PRKAR1B: variants seen among roughly 807,000 people sequenced by gnomAD.
The protein encoded by PRKAR1B is cAMP-dependent protein kinase type I-beta regulatory subunit.
In PRKAR1B, 22 loss-of-function variants were observed where a neutral mutation model predicts 46.5. The ratio of observed to expected loss-of-function variants is 0.47; its 90% confidence interval spans 0.34 to 0.68. The LOEUF (loss-of-function observed/expected upper bound fraction) is 0.68. Ranked by LOEUF, PRKAR1B falls within the 30% of genes least tolerant of loss-of-function variation. The probability of loss-of-function intolerance (pLI) is 0.01; values close to 1 mark genes in which losing one functional copy is unlikely to be tolerated. For missense variants in PRKAR1B, 445 were observed against 535.6 expected (o/e 0.83, Z 1.67); for synonymous variants, 259 against 217.7 (o/e 1.19, Z -1.67).
intron 1 of PRKAR1B, among the ~76,000 whole-genome samples, chr7:718,330 G>GTATATATATATA (rs146416897): frequency 7.3e-6 from 1 of 137,916 alleles, no homozygotes; most frequent in East Asian, 2.1e-4. Context: ...ATGTATGTAT[G>GTATATATATATA]TATATATATA....
In PRKAR1B at chr7:550,213, C is replaced by G. The variant is rs559508470; in HGVS notation, c.*217G>C. The stretch of plus-strand genomic sequence containing the variant: ...GAAGCTGGCCTGTCCCTTCCTTGAT[C>G]TTGGGATGCATTTTGTCCGCTTGTC... On this transcript the variant is annotated 3_prime_UTR_variant, in exon 11 of 11. Coordinates refer to ENST00000537384, the MANE Select transcript of PRKAR1B (RefSeq NM_001164760.2). The G allele has an allele frequency of 1.2e-4, 69 of 569,386 alleles. No individual in the cohort carries two copies. The Middle Eastern group carries it at 1.4e-3, about 12-fold the overall frequency. 35.3% of individuals were successfully genotyped at this position (569,386 alleles called of 1,614,324 possible). A position where few individuals can be genotyped will look rare whatever the true frequency, so the allele number is the denominator to read the frequency against.
At chr7:680,528 C>G in intron 3 of PRKAR1B, 28 bp downstream of exon 3, 1 of 1,587,506 alleles carries the variant, frequency 6.3e-7, no homozygotes, top group Non-Finnish European at 8.5e-7. Context: ...GGCCTGGGGA[C>G]AGGAACCCCG....
intron 6 of PRKAR1B, among the ~76,000 whole-genome samples, chr7:597,378 G>A (rs907649845): frequency 3.3e-5 from 5 of 152,166 alleles, no homozygotes; most frequent in Admixed American, 6.5e-5. Flanking sequence ...ACGAACTTTC[G>A]GAGGCACAGG....
intron 4 of PRKAR1B, among the ~76,000 whole-genome samples, chr7:651,909 G>A (rs1421020746): frequency 4.6e-5 from 4 of 86,736 alleles, no homozygotes; most frequent in Non-Finnish European, 2.2e-5. Context: ...GGAACCTGGG[G>A]AAACCCCTCT....
At position 711,402 on chromosome 7, in the gene PRKAR1B, A is replaced by G. The variant is rs1448693349; in HGVS notation, c.104T>C (p.Ile35Thr). ...HGIQQVLKDC[I>T]VHLCISKPER... is the part of the protein sequence containing the mutation. ...GGGCTTGGAGATGCAGAGGTGGACG[A>G]TACAGTCTTTGAGGACCTGCTGGAT... Residue 35 changes from isoleucine to threonine, a missense_variant, in exon 2 of 11, where the codon ATC becomes ACC. Ile to Thr is a moderately conservative substitution (Grantham distance 89). Around this residue, in one of 5 missense-constraint regions of PRKAR1B, gnomAD observed 155 missense variants for 127.5 expected, o/e 1.22. Transcript: ENST00000537384. The G allele has an allele frequency of 3.1e-6, 5 of 1,614,206 alleles. No homozygotes were observed. Among genetic ancestry groups the G allele is most frequent in the Non-Finnish European group, 4.2e-6 (5 of 1,180,026 alleles).
intron 6 of PRKAR1B, among the ~76,000 whole-genome samples, chr7:605,230 G>A (rs1276004173): frequency 6.6e-6 from 1 of 152,238 alleles, no homozygotes; most frequent in Admixed American, 6.5e-5. Context: ...ATGTCACTGA[G>A]GTCCTTCCCG....
In PRKAR1B at chr7:698,796, CTGTGTGTGCA is replaced by C. The variant is rs577040875; in HGVS notation, c.177+12523_177+12532del. 1.2e-4 allele frequency among the ~76,000 whole-genome samples: 18 copies of C among 151,804 alleles called. No individual in the cohort carries two copies. In the East Asian group the frequency reaches 2.3e-3, roughly 20 times the overall value. ...CTCGGTGGCAACAGTACATCCTTGC[CTGTGTGTGCA>C]TGTGTGTGCATCTGGGCGAGTGTGT... On this transcript the variant is annotated intron_variant, in intron 2 of 10. Coordinates refer to ENST00000537384, the MANE Select transcript of PRKAR1B (RefSeq NM_001164760.2).
chr7:633,015 T>C (rs1783852946), intron 4 of PRKAR1B, among the ~76,000 whole-genome samples: 1 of 152,232 alleles, frequency 6.6e-6, no homozygotes, highest in Non-Finnish European at 1.5e-5. Context: ...GCGCGGGTCG[T>C]AGTGAGATCA....
intron 2 of PRKAR1B, among the ~76,000 whole-genome samples, chr7:682,538 G>A (rs1778748679): frequency 1.3e-5 from 2 of 152,188 alleles, no homozygotes; most frequent in South Asian, 4.2e-4. Context: ...GAGGTCAGGA[G>A]ATCGAGACCA....
chr7:598,685 C>T (rs1227314176), intron 6 of PRKAR1B, among the ~76,000 whole-genome samples: 1 of 152,208 alleles, frequency 6.6e-6, no homozygotes, highest in Non-Finnish European at 1.5e-5. Flanking sequence ...ACTTCTGTTC[C>T]GATGCAGGGG....
At chr7:694,215 G>C (rs1410089546) in intron 2 of PRKAR1B, among the ~76,000 whole-genome samples, 1 of 152,128 alleles carries the variant, frequency 6.6e-6, no homozygotes, top group East Asian at 1.9e-4. Flanking sequence ...AACCCGGGAG[G>C]CACAGCTTGC....
chr7:593,688 G>A lies in PRKAR1B; in HGVS notation c.708+2458C>T, dbSNP rs564433120. 6.6e-5 allele frequency among the ~76,000 whole-genome samples: 10 copies of A among 152,268 alleles called. No homozygotes were observed. The highest frequency in any genetic ancestry group is 6.2e-4 in the South Asian group (3 of 4,822). ...GTGTCTCAGGGGACCCCTCCCACGC[G>A]GCGACAGAGGCCTCCCAGTGAAGGC... On this transcript the variant is annotated intron_variant, in intron 7 of 10. Transcript: ENST00000537384. This position sits in a 1 kb window ranked among gnomAD's most constrained non-coding sequence, Gnocchi z 6.1.
At chr7:646,021 A>G (rs1261115889) in intron 4 of PRKAR1B, among the ~76,000 whole-genome samples, 3 of 151,954 alleles carry the variant, frequency 2.0e-5, no homozygotes, top group Non-Finnish European at 4.4e-5. Context: ...CGTCACCAAC[A>G]TGTTGCTCAG....
chr7:699,111 C>T lies in PRKAR1B; in HGVS notation c.177+12218G>A, dbSNP rs577236645. ...GAGAACCCTGCACCCTGCCCCAGCA[C>T]GCCAGGGGCCAGAGCCCACAGGCAA... On this transcript the variant is annotated intron_variant, in intron 2 of 10. Coordinates refer to ENST00000537384, the MANE Select transcript of PRKAR1B (RefSeq NM_001164760.2). 3.9e-5 allele frequency among the ~76,000 whole-genome samples: 6 copies of T among 152,372 alleles called. No homozygotes were observed. In the East Asian group the frequency reaches 7.7e-4, roughly 20 times the overall value.
intron 4 of PRKAR1B, among the ~76,000 whole-genome samples, chr7:632,280 G>A (rs568418043): frequency 2.6e-5 from 4 of 152,226 alleles, no homozygotes; most frequent in East Asian, 1.9e-4. Context: ...GCAGAAGGGC[G>A]CACATCTTCT....
intron 4 of PRKAR1B, among the ~76,000 whole-genome samples, chr7:643,661 G>T (rs976306439): frequency 6.8e-6 from 1 of 146,810 alleles, no homozygotes; most frequent in African/African-American, 2.7e-5. Context: ...GGTGGAGGTT[G>T]CAGTGAGCCA....
At chr7:590,117 C>A (rs1304585922) in intron 7 of PRKAR1B, among the ~76,000 whole-genome samples, 2 of 152,258 alleles carry the variant, frequency 1.3e-5, no homozygotes, top group Non-Finnish European at 2.9e-5. Flanking sequence ...GACCAGAAGA[C>A]AGAGGGGGCT....
At chr7:566,613 CCTT>C in intron 9 of PRKAR1B, among the ~76,000 whole-genome samples, 2 of 152,400 alleles carry the variant, frequency 1.3e-5, no homozygotes, top group Non-Finnish European at 2.9e-5. Context: ...CATCACATCA[CCTT>C]CATCACTATC....
At chr7:700,766 A>G (rs952752386) in intron 2 of PRKAR1B, among the ~76,000 whole-genome samples, 2 of 152,314 alleles carry the variant, frequency 1.3e-5, no homozygotes, top group South Asian at 4.1e-4. Flanking sequence ...AATAAATACA[A>G]ATTTTAGAAC....
Sources: gnomAD v4.1 joint callset for allele counts (sites outside exome capture counted in the v4.1 genomes callset) on GRCh38, gnomAD v4.1.1 for gene constraint, gnomAD v4.1.1 regional missense constraint, Gnocchi (gnomAD v3.1) non-coding constraint, MANE v1.5 for transcripts, NCBI Gene and HGNC (gene_info 2026-07-23, HGNC 2026-07-21) for gene names.